GNAQ: variants seen among roughly 807,000 people sequenced by gnomAD.
GNAQ encodes G protein subunit alpha q.
A neutral mutation model predicts 43.9 loss-of-function variants in GNAQ; 8 were observed. The ratio of observed to expected loss-of-function variants is 0.18; its 90% CI spans 0.11 to 0.33. GNAQ has a LOEUF of 0.33. GNAQ is among the 10% of genes least tolerant of loss of function. GNAQ has a pLI of 1.00. For missense variants in GNAQ, 158 were observed against 450.8 expected, an observed-to-expected ratio of 0.35 and a Z score of 5.88; for synonymous variants, 155 against 170.7, an observed-to-expected ratio of 0.91 and a Z score of 0.71.
chr9:78,004,531 T>C (rs940866660), intron 1 of GNAQ, among the ~76,000 whole-genome samples: 2 of 152,042 alleles, frequency 1.3e-5, no homozygotes, highest in Admixed American at 1.3e-4. Flanking sequence ...CGTGACATCA[T>C]CTCCCAGAGC....
At chr9:77,756,450 C>G (rs975982443) in intron 5 of GNAQ, among the ~76,000 whole-genome samples, 1 of 152,176 alleles carries the variant, frequency 6.6e-6, no homozygotes, top group Non-Finnish European at 1.5e-5. Context: ...AGAATTATAG[C>G]CAGAGAAATG....
intron 2 of GNAQ, among the ~76,000 whole-genome samples, chr9:77,857,224 C>G (rs1365735342): frequency 6.6e-6 from 1 of 152,202 alleles, no homozygotes; most frequent in African/African-American, 2.4e-5. Context: ...CATCTTGCAA[C>G]CGCGGGCCCA....
At chr9:77,813,907 G>A (rs934704467) in intron 3 of GNAQ, among the ~76,000 whole-genome samples, 1 of 152,144 alleles carries the variant, frequency 6.6e-6, no homozygotes, top group African/African-American at 2.4e-5. Flanking sequence ...TTATAATGGA[G>A]GATGAGTTAG....
At chr9:78,003,247 A>G (rs1187709059) in intron 1 of GNAQ, among the ~76,000 whole-genome samples, 1 of 152,244 alleles carries the variant, frequency 6.6e-6, no homozygotes, top group East Asian at 1.9e-4. Flanking sequence ...AAGTGCCTTC[A>G]AGAGGGAAAA....
intron 5 of GNAQ, among the ~76,000 whole-genome samples, chr9:77,744,664 A>T (rs1825704313): frequency 6.6e-6 from 1 of 152,212 alleles, no homozygotes; most frequent in Non-Finnish European, 1.5e-5. Flanking sequence ...AAAATTACAT[A>T]ATCAAGGATA....
chr9:77,763,433 T>A (rs997766590), intron 5 of GNAQ, among the ~76,000 whole-genome samples: 5 of 152,166 alleles, frequency 3.3e-5, no homozygotes, highest in Non-Finnish European at 7.4e-5. Flanking sequence ...CAAGACCAGC[T>A]GGGCAACATG....
chr9:77,723,651 C>T (rs541847069), intron 6 of GNAQ, among the ~76,000 whole-genome samples: 5 of 152,286 alleles, frequency 3.3e-5, no homozygotes, highest in African/African-American at 1.2e-4. Context: ...TATGCATGAA[C>T]TGTGAGAACA....
chr9:77,965,042 C>G (rs1823149243), intron 1 of GNAQ, among the ~76,000 whole-genome samples: 1 of 152,108 alleles, frequency 6.6e-6, no homozygotes, highest in Non-Finnish European at 1.5e-5. Flanking sequence ...TTCACAAACC[C>G]AGATCACAGC....
At chr9:77,866,848 C>G (rs10869980) in intron 2 of GNAQ, among the ~76,000 whole-genome samples, 101,843 of 152,070 alleles carry the variant, frequency 0.67, 35,185 homozygotes, top group South Asian at 0.78. Flanking sequence ...TTTATTAAAA[C>G]ACAGTCGTCA....
intron 3 of GNAQ, among the ~76,000 whole-genome samples, chr9:77,814,428 C>T (rs543152507): frequency 8.5e-5 from 13 of 152,214 alleles, no homozygotes; most frequent in African/African-American, 2.9e-4. Context: ...GGGGTTAATG[C>T]TAGTTAAAAT....
intron 5 of GNAQ, among the ~76,000 whole-genome samples, chr9:77,749,101 C>CA (rs1274386737): frequency 6.6e-6 from 1 of 152,190 alleles, no homozygotes; most frequent in Non-Finnish European, 1.5e-5. Context: ...TCGACCTTAG[C>CA]ATTTGGGAAG....
chr9:77,996,546 C>T (rs1823569615), intron 1 of GNAQ, among the ~76,000 whole-genome samples: 1 of 151,846 alleles, frequency 6.6e-6, no homozygotes, highest in African/African-American at 2.4e-5. Context: ...GGCATGGTGG[C>T]ACAGGCCTGT....
At chr9:78,014,879 C>A (rs1823818742) in intron 1 of GNAQ, among the ~76,000 whole-genome samples, 1 of 152,192 alleles carries the variant, frequency 6.6e-6, no homozygotes, top group African/African-American at 2.4e-5. Context: ...TAACTGTGGT[C>A]CCACAAGATT....
chr9:77,772,713 G>A (rs1338135871), intron 5 of GNAQ, among the ~76,000 whole-genome samples: 1 of 152,164 alleles, frequency 6.6e-6, no homozygotes, highest in Non-Finnish European at 1.5e-5. Flanking sequence ...GCTAGTCTGT[G>A]AGAATTTTTG....
At chr9:77,906,093 TA>T (rs140142599) in intron 2 of GNAQ, among the ~76,000 whole-genome samples, 6 of 150,050 alleles carry the variant, frequency 4.0e-5, no homozygotes, top group East Asian at 1.9e-4. Flanking sequence ...AACTTAAAGT[TA>T]AAAAAAAAAT....
chr9:78,022,598 A>C (rs1386487385), intron 1 of GNAQ, among the ~76,000 whole-genome samples: 4 of 152,232 alleles, frequency 2.6e-5, no homozygotes, highest in Non-Finnish European at 5.9e-5. Flanking sequence ...TGTCTTACCA[A>C]TGCTCAAAAA....
At chr9:77,873,615 C>CGTA (rs1828077551) in intron 2 of GNAQ, among the ~76,000 whole-genome samples, 1 of 152,102 alleles carries the variant, frequency 6.6e-6, no homozygotes, top group Non-Finnish European at 1.5e-5. Flanking sequence ...ACTGGCAGTG[C>CGTA]GTAGCCAGGG....
At chr9:77,997,487 CA>C (rs1402882380) in intron 1 of GNAQ, among the ~76,000 whole-genome samples, 1 of 152,124 alleles carries the variant, frequency 6.6e-6, no homozygotes, top group Admixed American at 6.5e-5. Context: ...GCTTTTTCCC[CA>C]TCAGGGCTTG....
chr9:77,755,398 T>G (rs763358812), intron 5 of GNAQ, among the ~76,000 whole-genome samples: 1 of 152,194 alleles, frequency 6.6e-6, no homozygotes, highest in Non-Finnish European at 1.5e-5. Context: ...ATTAAATGCT[T>G]GAGGTGGATA....
Sources: allele counts gnomAD v4.1 joint callset (sites outside exome capture counted in the v4.1 genomes callset), GRCh38; gene constraint gnomAD v4.1.1; transcripts MANE v1.5; gene names NCBI Gene and HGNC (gene_info 2026-07-23, HGNC 2026-07-21).